The following RPS6KC1 variants were observed in gnomAD, a reference collection of about 807,000 sequenced individuals.
The protein encoded by RPS6KC1 is ribosomal protein S6 kinase C1.
RPS6KC1 carries 54 observed loss-of-function variants against 103.8 expected under a neutral mutation model. The observed-to-expected ratio is 0.52, with a 90% confidence interval of 0.42 to 0.65. The LOEUF (loss-of-function observed/expected upper bound fraction) is 0.65, where lower values mean the gene tolerates loss of function less well. Among genes scored for constraint, RPS6KC1 ranks in the 30% least tolerant of loss-of-function variants. RPS6KC1 has a pLI of 0.00. For missense variants in RPS6KC1, 1,151 were observed against 1,253.8 expected, an observed-to-expected ratio of 0.92 and a Z score of 1.24; for synonymous variants, 439 against 438.7, an observed-to-expected ratio of 1.00 and a Z score of -0.01.
At chr1:213,377,368 C>A in the RPS6KC1 span, among the ~76,000 whole-genome samples, 1 of 152,220 alleles carries the variant, frequency 6.6e-6, no homozygotes, top group African/African-American at 2.4e-5. Flanking sequence ...GAGGTCTGAA[C>A]TGGGAGTACC....
chr1:213,602,189 T>TCCTTTC, the RPS6KC1 span, among the ~76,000 whole-genome samples: 1 of 103,328 alleles, frequency 9.7e-6, no homozygotes, highest in African/African-American at 4.0e-5. Context: ...TTTCTTTCTT[T>TCCTTTC]TTCCCTCCCT....
chr1:213,522,796 A>T, the RPS6KC1 span, among the ~76,000 whole-genome samples: 1 of 152,198 alleles, frequency 6.6e-6, no homozygotes, highest in Admixed American at 6.5e-5. Context: ...CTGGATCAAG[A>T]CTTGGCTTAA....
chr1:213,644,129 T>C, the RPS6KC1 span, among the ~76,000 whole-genome samples: 1 of 152,142 alleles, frequency 6.6e-6, no homozygotes, highest in Non-Finnish European at 1.5e-5. Flanking sequence ...AGGGCATAAA[T>C]ATTTTCAGTT....
At chr1:213,552,357 T>G in the RPS6KC1 span, among the ~76,000 whole-genome samples, 41 of 152,344 alleles carry the variant, frequency 2.7e-4, no homozygotes, top group East Asian at 4.6e-3. Context: ...GAGTTCCTGT[T>G]GCTTCACATC....
At chr1:213,494,919 A>T in the RPS6KC1 span, among the ~76,000 whole-genome samples, 6 of 150,832 alleles carry the variant, frequency 4.0e-5, no homozygotes, top group African/African-American at 1.4e-4. Context: ...TCCTTTAAAA[A>T]TCACATAGAT....
At chr1:213,470,508 A>G in the RPS6KC1 span, among the ~76,000 whole-genome samples, 1 of 152,166 alleles carries the variant, frequency 6.6e-6, no homozygotes, top group Non-Finnish European at 1.5e-5. Context: ...TAACTATTAA[A>G]GAGTATTGCC....
At chr1:213,114,061 A>G (rs1285569723) in intron 4 of RPS6KC1, among the ~76,000 whole-genome samples, 1 of 151,850 alleles carries the variant, frequency 6.6e-6, no homozygotes, top group Non-Finnish European at 1.5e-5. Flanking sequence ...TTGGTTCCAT[A>G]TGAACTTTAA....
intron 10 of RPS6KC1, 68 bp from the exon 11 acceptor site, chr1:213,240,634 A>G (rs1246598040): frequency 4.5e-6 from 6 of 1,339,736 alleles, no homozygotes; most frequent in Non-Finnish European, 6.2e-6. Flanking sequence ...TTGTTTTTCT[A>G]ATGGCTTAAA....
chr1:213,605,256 A>G, the RPS6KC1 span, among the ~76,000 whole-genome samples: 2 of 152,196 alleles, frequency 1.3e-5, no homozygotes, highest in African/African-American at 4.8e-5. Context: ...AACTCTTACA[A>G]AATGGACGGA....
At chr1:213,534,951 C>G in the RPS6KC1 span, among the ~76,000 whole-genome samples, 1 of 152,118 alleles carries the variant, frequency 6.6e-6, no homozygotes, top group East Asian at 1.9e-4. Context: ...GTTAATCCTA[C>G]GATTAAGTTC....
chr1:213,581,073 C>T, the RPS6KC1 span, among the ~76,000 whole-genome samples: 2 of 151,952 alleles, frequency 1.3e-5, no homozygotes, highest in African/African-American at 4.8e-5. Flanking sequence ...TGGAACCAAT[C>T]CCACATGAAT....
intron 14 of RPS6KC1, among the ~76,000 whole-genome samples, chr1:213,263,549 A>C (rs2094846286): frequency 6.6e-6 from 1 of 152,224 alleles, no homozygotes; most frequent in Non-Finnish European, 1.5e-5. Context: ...TGAAAAATAT[A>C]ATGGAAAAAG....
At chr1:213,794,754 A>T in the RPS6KC1 span, among the ~76,000 whole-genome samples, 1 of 152,176 alleles carries the variant, frequency 6.6e-6, no homozygotes, top group Non-Finnish European at 1.5e-5. Context: ...CGGGGAGAAT[A>T]GCTCTATAAG....
the RPS6KC1 span, among the ~76,000 whole-genome samples, chr1:213,366,360 G>A: frequency 1.2e-4 from 18 of 152,310 alleles, no homozygotes; most frequent in South Asian, 2.9e-3. Flanking sequence ...TAACAGCTGC[G>A]GCTACTAAGA....
the RPS6KC1 span, among the ~76,000 whole-genome samples, chr1:213,319,683 GA>G: frequency 6.6e-6 from 1 of 152,118 alleles, no homozygotes; most frequent in African/African-American, 2.4e-5. Context: ...CATCTTGAAA[GA>G]CAGGCCTTGC....
rs554801298 is a variant in RPS6KC1 at position 213,216,021 on chromosome 1, C to T, written c.1045-14476C>T. 9.0e-4 allele frequency among the ~76,000 whole-genome samples: 137 copies of T among 152,300 alleles called. 1 individual carries two copies. Among genetic ancestry groups the T allele is most frequent in the African/African-American group, 3.3e-3 (136 of 41,556 alleles). ...TCATAATGACAGGATCAAATTCACA[C>T]ATGACAATATTAACCTTAAATGTAA... is the stretch of plus-strand genomic sequence containing the variant. On this transcript the variant is annotated intron_variant, in intron 8 of 14. Transcript: ENST00000366960.
the RPS6KC1 span, among the ~76,000 whole-genome samples, chr1:213,677,735 T>C: frequency 6.6e-6 from 1 of 152,090 alleles, no homozygotes; most frequent in South Asian, 2.1e-4. Flanking sequence ...AGGCTGGGTG[T>C]GGTGGCTCAT....
At chr1:213,501,193 C>T in the RPS6KC1 span, among the ~76,000 whole-genome samples, 1 of 151,838 alleles carries the variant, frequency 6.6e-6, no homozygotes, top group African/African-American at 2.4e-5. Flanking sequence ...GTTTGCTCTC[C>T]AAGATATAAA....
chr1:213,372,211 G>T, the RPS6KC1 span, among the ~76,000 whole-genome samples: 1 of 152,184 alleles, frequency 6.6e-6, no homozygotes, highest in African/African-American at 2.4e-5. Flanking sequence ...GCTGAGAGAG[G>T]GGTGTCTGCC....
Sources: gnomAD v4.1 joint callset for allele counts (sites outside exome capture counted in the v4.1 genomes callset) on GRCh38, gnomAD v4.1.1 for gene constraint, MANE v1.5 for transcripts, NCBI Gene and HGNC (gene_info 2026-07-23, HGNC 2026-07-21) for gene names.